The following VMA22 variants were observed in gnomAD, a reference collection of about 807,000 sequenced individuals.
The protein encoded by VMA22 is vacuolar ATPase assembly protein VMA22.
chr2:130,339,244 G>A, the VMA22 span: 3 of 1,609,616 alleles, frequency 1.9e-6, no homozygotes, highest in East Asian at 2.2e-5. Flanking sequence ...TGGAGGAAAG[G>A]AGAGAAGGTC....
chr2:130,341,690 T>G, the VMA22 span: 1 of 1,611,702 alleles, frequency 6.2e-7, no homozygotes, highest in Non-Finnish European at 8.5e-7. Flanking sequence ...CCCCACCTCC[T>G]CTGGGGCGTG....
chr2:130,342,456 G>A, the VMA22 span: 2 of 547,832 alleles, frequency 3.7e-6, no homozygotes, highest in Non-Finnish European at 3.2e-6. Context: ...GGAAGAAGGC[G>A]AAGCTCTACA....
the VMA22 span, chr2:130,339,260 G>C: frequency 1.3e-6 from 2 of 1,589,992 alleles, no homozygotes; most frequent in Middle Eastern, 1.7e-4. Context: ...AGGTCACCAT[G>C]GTATCTGTAG....
At chr2:130,339,767 C>G in the VMA22 span, 3 of 1,303,540 alleles carry the variant, frequency 2.3e-6, no homozygotes, top group African/African-American at 4.6e-5. Context: ...GGACACCTGC[C>G]CCCAGGTGTT....
At chr2:130,338,922 TA>T in the VMA22 span, 1 of 576,364 alleles carries the variant, frequency 1.7e-6, no homozygotes, top group East Asian at 2.9e-5. Flanking sequence ...GGTTTCAAAG[TA>T]GTGGCTTTCA....
the VMA22 span, chr2:130,341,799 GCGCC>G: frequency 3.5e-6 from 5 of 1,432,142 alleles, no homozygotes; most frequent in South Asian, 1.2e-5. Flanking sequence ...GGCCTAGAAC[GCGCC>G]CGCCCGCCCA....
At chr2:130,339,459 T>C in the VMA22 span, 5 of 1,404,648 alleles carry the variant, frequency 3.6e-6, no homozygotes, top group Non-Finnish European at 4.6e-6. Flanking sequence ...CCTGGACCCA[T>C]TATATCACCC....
chr2:130,342,087 C>T, the VMA22 span: 2 of 1,613,856 alleles, frequency 1.2e-6, no homozygotes, highest in Non-Finnish European at 1.7e-6. Flanking sequence ...GCTGCAGGAC[C>T]AGCGAATCCA....
chr2:130,340,854 C>T, the VMA22 span: 6 of 1,609,568 alleles, frequency 3.7e-6, no homozygotes, highest in East Asian at 1.3e-4. Flanking sequence ...CTCAAGTGTT[C>T]CCTGTGGATA....
At chr2:130,338,962 C>T in the VMA22 span, 1 of 614,982 alleles carries the variant, frequency 1.6e-6, no homozygotes, top group South Asian at 1.9e-5. Context: ...TCAAACTTCA[C>T]ACCTAAGGAA....
the VMA22 span, chr2:130,342,170 C>T: frequency 5.6e-6 from 9 of 1,605,216 alleles, no homozygotes; most frequent in African/African-American, 6.7e-5. Flanking sequence ...TTGTCACCCT[C>T]CGCAGTTTGG....
the VMA22 span, chr2:130,339,101 C>T: frequency 2.5e-6 from 4 of 1,586,944 alleles, no homozygotes; most frequent in Non-Finnish European, 3.5e-6. Flanking sequence ...GCTCGCTGCC[C>T]TGCCTCTTTG....
chr2:130,340,206 T>G, the VMA22 span: 5 of 163,936 alleles, frequency 3.0e-5, no homozygotes, highest in Non-Finnish European at 6.7e-5. Flanking sequence ...TTAAAACCTG[T>G]GCAGGTTCCC....
At chr2:130,339,966 C>A in the VMA22 span, 2 of 594,514 alleles carry the variant, frequency 3.4e-6, no homozygotes, top group South Asian at 2.1e-5. Context: ...CTCTCCCAAA[C>A]TCCAGATACA....
chr2:130,341,946 T>C, the VMA22 span: 18 of 1,613,408 alleles, frequency 1.1e-5, no homozygotes, highest in South Asian at 1.6e-4. Context: ...GAGCCAGCCC[T>C]GCAGGGAGAG....
chr2:130,339,650 T>C, the VMA22 span: 21 of 1,305,028 alleles, frequency 1.6e-5, no homozygotes, highest in Middle Eastern at 2.1e-4. Context: ...GAACAGCTGC[T>C]GCCCAGTCCT....
the VMA22 span, chr2:130,340,304 C>T: frequency 3.6e-5 from 6 of 168,006 alleles, no homozygotes; most frequent in Admixed American, 2.8e-4. Context: ...TCTGTGTCCC[C>T]GCCCAGCACC....
chr2:130,342,300 A>G, the VMA22 span: 3 of 1,280,844 alleles, frequency 2.3e-6, no homozygotes, highest in African/African-American at 1.5e-5. Flanking sequence ...CCCTTAGAGA[A>G]GCAGCACGGA....
the VMA22 span, chr2:130,341,980 G>T: frequency 2.5e-6 from 4 of 1,612,564 alleles, no homozygotes; most frequent in South Asian, 4.4e-5. Context: ...CTCAGTTTAC[G>T]CCCGTGTACC....
Sources: gnomAD v4.1 joint callset for allele counts on GRCh38, gnomAD v4.1.1 for gene constraint, MANE v1.5 for transcripts, NCBI Gene and HGNC (gene_info 2026-07-23, HGNC 2026-07-21) for gene names.